The following DYNC2I2 variants were observed in gnomAD, a reference collection of about 807,000 sequenced individuals.
DYNC2I2 encodes the protein dynein 2 intermediate chain 2, also known as cytoplasmic dynein 2 intermediate chain 2.
Under a neutral mutation model 52.0 loss-of-function variants are expected in DYNC2I2, and 39 were observed. The ratio of observed to expected loss-of-function variants is 0.75; its 90% CI spans 0.58 to 0.98. The LOEUF (loss-of-function observed/expected upper bound fraction) is 0.98, where lower values mean the gene tolerates loss of function less well. Among genes scored for constraint, DYNC2I2 ranks in the 50% least tolerant of loss-of-function variants. The pLI is 0.00. For synonymous variants in DYNC2I2, 359 were observed against 321.1 expected (o/e 1.12, Z -1.26); for missense variants, 743 against 728.4 (o/e 1.02, Z -0.23).
rs369110837 is a variant in DYNC2I2 at position 128,656,760 on chromosome 9, C to G, written c.-34G>C. On this transcript the variant is annotated 5_prime_UTR_variant, in exon 1 of 9. Coordinates refer to ENST00000372715, the MANE Select transcript of DYNC2I2 (RefSeq NM_052844.4). Reference sequence around the variant, plus strand: ...TTCCGCCCTCTCGTGCGGACGCACTCAGGCGCGACCTCCGCCCCTACGCCG... The same window carrying G: ...TTCCGCCCTCTCGTGCGGACGCACTGAGGCGCGACCTCCGCCCCTACGCCG... The G allele has an allele frequency of 1.1e-5, 14 of 1,324,918 alleles. No homozygotes were observed. Among genetic ancestry groups the G allele is most frequent in the African/African-American group, 9.2e-5 (6 of 65,352 alleles). 82.1% of individuals were successfully genotyped at this position (1,324,918 alleles called of 1,614,324 possible). A position where few individuals can be genotyped will look rare whatever the true frequency, so the allele number is the denominator to read the frequency against.
intron 1 of DYNC2I2, among the ~76,000 whole-genome samples, chr9:128,644,830 T>C (rs1860583688): frequency 6.6e-6 from 1 of 152,244 alleles, no homozygotes; most frequent in Non-Finnish European, 1.5e-5. Flanking sequence ...ATTCTCACAC[T>C]ATTTCAAATT....
upstream of DYNC2I2, among the ~76,000 whole-genome samples, chr9:128,657,243 C>G (rs560888019): frequency 5.9e-5 from 9 of 152,278 alleles, no homozygotes; most frequent in South Asian, 8.3e-4. Flanking sequence ...CTACGGAGAT[C>G]CTAAATGTGG....
the DYNC2I2 span, among the ~76,000 whole-genome samples, chr9:128,680,384 T>C: frequency 6.8e-6 from 1 of 146,608 alleles, no homozygotes; most frequent in Non-Finnish European, 1.5e-5. Flanking sequence ...ATTATTATTA[T>C]TATATTTTTT....
At chr9:128,667,645 C>T in the DYNC2I2 span, among the ~76,000 whole-genome samples, 1 of 151,946 alleles carries the variant, frequency 6.6e-6, no homozygotes. Context: ...TCTCAGCTCA[C>T]TGCAACCTCC....
chr9:128,676,303 A>G, the DYNC2I2 span, among the ~76,000 whole-genome samples: 1 of 152,122 alleles, frequency 6.6e-6, no homozygotes, highest in African/African-American at 2.4e-5. Flanking sequence ...CAACCTGGCC[A>G]ACATGATGAA....
upstream of DYNC2I2, among the ~76,000 whole-genome samples, chr9:128,661,511 G>A (rs1481249770): frequency 1.3e-5 from 2 of 151,908 alleles, no homozygotes; most frequent in African/African-American, 2.4e-5. Context: ...TCAGCTACTC[G>A]TGAGTCTGAG....
At chr9:128,684,094 A>T in the DYNC2I2 span, 2 of 1,082,660 alleles carry the variant, frequency 1.8e-6, no homozygotes, top group Non-Finnish European at 2.7e-6. Context: ...CCCTCTTGAG[A>T]TGTGACCCCT....
At chr9:128,678,483 CAG>C in the DYNC2I2 span, among the ~76,000 whole-genome samples, 1 of 77,196 alleles carries the variant, frequency 1.3e-5, no homozygotes, top group Non-Finnish European at 2.2e-5. Context: ...TTTTTGGAGA[CAG>C]AGTCTTGCTC....
intron 1 of DYNC2I2, among the ~76,000 whole-genome samples, chr9:128,647,491 T>A (rs1014459555): frequency 2.0e-5 from 3 of 152,064 alleles, no homozygotes; most frequent in Non-Finnish European, 4.4e-5. Context: ...ATCCCAGGAC[T>A]TTGGGAGGCC....
upstream of DYNC2I2, among the ~76,000 whole-genome samples, chr9:128,658,462 G>A (rs1322080464): frequency 2.6e-5 from 4 of 151,674 alleles, no homozygotes; most frequent in African/African-American, 9.7e-5. Flanking sequence ...ACTGCGCCCA[G>A]CCTGTTTGTT....
At chr9:128,645,553 G>C (rs1860599653) in intron 1 of DYNC2I2, among the ~76,000 whole-genome samples, 1 of 136,236 alleles carries the variant, frequency 7.3e-6, no homozygotes, top group Non-Finnish European at 1.5e-5. Flanking sequence ...AAAAGCAGAG[G>C]TTGCAATGAG....
chr9:128,640,849 C>G lies in DYNC2I2; in HGVS notation c.277G>C (p.Val93Leu), dbSNP rs747197509. 2 of 1,613,842 alleles carry G rather than the reference C, an allele frequency of 1.2e-6. No individual in the cohort carries two copies. The highest frequency in any genetic ancestry group is 2.7e-5 in the African/African-American group (2 of 74,930). The change falls in exon 2 of 9, where the codon GTG (valine) becomes CTG (leucine). Residue 93 changes from valine to leucine, a missense_variant. By Grantham distance (32) the Val-to-Leu change is conservative. Transcript: ENST00000372715. Reference protein sequence around the residue: ...VDAQVQTEAPVPVSVQPPSQY... With the variant: ...VDAQVQTEAPLPVSVQPPSQY... ...GACGGGGGCTGCACGCTGACAGGCA[C>G]GGGGGCCTCCGTCTGCACCTGGGCG...
At chr9:128,682,250 G>A in the DYNC2I2 span, among the ~76,000 whole-genome samples, 2 of 151,812 alleles carry the variant, frequency 1.3e-5, no homozygotes, top group East Asian at 3.9e-4. Context: ...GGGCTTCACC[G>A]TGTTAGCCAG....
the DYNC2I2 span, among the ~76,000 whole-genome samples, chr9:128,662,720 C>T: frequency 6.6e-6 from 1 of 152,164 alleles, no homozygotes; most frequent in Non-Finnish European, 1.5e-5. Flanking sequence ...GCTGGGATTA[C>T]AGACAACTGC....
chr9:128,659,595 G>C (rs549056089), upstream of DYNC2I2, among the ~76,000 whole-genome samples: 1 of 151,108 alleles, frequency 6.6e-6, no homozygotes, highest in African/African-American at 2.4e-5. Context: ...GGGACACCTC[G>C]TCTCTAAGAC....
In DYNC2I2 at chr9:128,635,681, T is replaced by C; in HGVS notation, c.790A>G (p.Thr264Ala). Residue 264 changes from threonine (T) to alanine (A), a missense_variant, in exon 5 of 9, where the codon ACC becomes GCC. Coordinates refer to ENST00000372715, the MANE Select transcript of DYNC2I2 (RefSeq NM_052844.4). ...LLWRTGLTDDTHTDPVSQVVW... is the reference protein window; with the variant it reads ...LLWRTGLTDDAHTDPVSQVVW... Reference sequence around the variant, plus strand: ...ACCTGGGACACAGGGTCTGTGTGGGTGTCATCCGTCAGGCCTGTGCGCCAC... The same window carrying C: ...ACCTGGGACACAGGGTCTGTGTGGGCGTCATCCGTCAGGCCTGTGCGCCAC... The C allele has an allele frequency of 6.2e-7, 1 of 1,609,798 alleles. No individual in the cohort carries two copies. Among genetic ancestry groups the C allele is most frequent in the Non-Finnish European group, 8.5e-7 (1 of 1,178,248 alleles).
the DYNC2I2 span, among the ~76,000 whole-genome samples, chr9:128,679,000 C>T: frequency 3.5e-4 from 53 of 152,066 alleles, no homozygotes; most frequent in African/African-American, 1.2e-3. Flanking sequence ...ACCTGGGAAG[C>T]GGAGGTTGCA....
the DYNC2I2 span, among the ~76,000 whole-genome samples, chr9:128,675,910 C>T: frequency 6.6e-6 from 1 of 152,034 alleles, no homozygotes; most frequent in East Asian, 1.9e-4. Context: ...GAAAGGTGGG[C>T]CAGGTCCAGC....
the DYNC2I2 span, among the ~76,000 whole-genome samples, chr9:128,667,372 A>G: frequency 1.3e-5 from 2 of 151,554 alleles, no homozygotes; most frequent in African/African-American, 2.4e-5. Flanking sequence ...GTCGCCCAGG[A>G]TGGTGTGCAG....
Sources: gnomAD v4.1 joint callset for allele counts (sites outside exome capture counted in the v4.1 genomes callset) on GRCh38, gnomAD v4.1.1 for gene constraint, MANE v1.5 for transcripts, NCBI Gene and HGNC (gene_info 2026-07-23, HGNC 2026-07-21) for gene names.